L3MBTL3: variants seen among roughly 807,000 people sequenced by gnomAD.
The protein encoded by L3MBTL3 is lethal(3)malignant brain tumor-like protein 3.
L3MBTL3 carries 27 observed loss-of-function variants against 102.3 expected under a neutral mutation model. The observed-to-expected ratio is 0.26, with a 90% CI of 0.19 to 0.36. The LOEUF is 0.36. Ranked by LOEUF, L3MBTL3 falls within the 10% of genes least tolerant of loss-of-function variation. The pLI is 1.00. For missense variants in L3MBTL3, 798 were observed against 955.3 expected (o/e 0.84, Z 2.17); for synonymous variants, 340 against 320.9 (o/e 1.06, Z -0.64).
chr6:130,042,875 T>A (rs1297682321), intron 3 of L3MBTL3, 74 bp downstream of exon 3: 3 of 984,616 alleles, frequency 3.0e-6, no homozygotes, highest in Non-Finnish European at 4.9e-6. Flanking sequence ...TGGATACATA[T>A]GTGAAATAAA....
chr6:130,113,484 A>G (rs567268923), intron 19 of L3MBTL3, among the ~76,000 whole-genome samples: 1 of 152,244 alleles, frequency 6.6e-6, no homozygotes, highest in Non-Finnish European at 1.5e-5. Context: ...TCTCTATTAA[A>G]AATCACTTAA....
intron 18 of L3MBTL3, among the ~76,000 whole-genome samples, chr6:130,097,192 T>C (rs1784409614): frequency 6.6e-6 from 1 of 152,224 alleles, no homozygotes; most frequent in Non-Finnish European, 1.5e-5. Context: ...TGTTTTCCAT[T>C]TCATTAGTAG....
intron 18 of L3MBTL3, among the ~76,000 whole-genome samples, chr6:130,095,005 G>A (rs1582553096): frequency 6.6e-6 from 1 of 152,068 alleles, no homozygotes; most frequent in African/African-American, 2.4e-5. Context: ...CCAGGAGTTC[G>A]AGATCAGCCT....
At chr6:130,084,313 G>A (rs895553192) in intron 15 of L3MBTL3, among the ~76,000 whole-genome samples, 2 of 151,996 alleles carry the variant, frequency 1.3e-5, no homozygotes, top group African/African-American at 2.4e-5. Context: ...CTTGCTTTAT[G>A]ATTTAGATTT....
Position 130,094,349 on chromosome 6 carries a change from G to A in L3MBTL3, c.1718G>A (p.Arg573Lys), listed in dbSNP as rs1390340956. The change falls in exon 18 of 23, where the codon AGA becomes AAA. Residue 573 changes from arginine (R) to lysine (K), a missense_variant. By Grantham distance (26) the Arg-to-Lys change is conservative. This residue lies in a region of L3MBTL3 where 306 missense variants were observed against 314.4 expected (regional missense o/e 0.97). Transcript: ENST00000361794. ...CKGIGHFKRA[R>K]HLGPHSAANC... ...GGGATTGGCCATTTCAAGAGAGCGA[G>A]ACATCTGGGCCCTCACAGGTATGTG... is the stretch of plus-strand genomic sequence containing the variant. 1 of 1,613,612 alleles carries A rather than the reference G, an allele frequency of 6.2e-7. No homozygotes were observed. Among genetic ancestry groups the A allele is most frequent in the East Asian group, 2.2e-5 (1 of 44,860 alleles).
chr6:130,020,614 G>T (rs983461493), intron 1 of L3MBTL3: 8 of 151,998 alleles, frequency 5.3e-5, no homozygotes, highest in Admixed American at 5.2e-4. Flanking sequence ...GTAACTAGCC[G>T]CTTTCCAGGG....
intron 2 of L3MBTL3, among the ~76,000 whole-genome samples, chr6:130,039,002 G>GT (rs527808778): frequency 5.5e-4 from 84 of 151,532 alleles, no homozygotes; most frequent in Middle Eastern, 3.4e-3. Context: ...AGAAACAGAA[G>GT]TTTTTTTTTC....
intron 22 of L3MBTL3, 107 bp from the exon 23 acceptor site, chr6:130,139,503 T>A: frequency 9.8e-7 from 1 of 1,025,384 alleles, no homozygotes; most frequent in Non-Finnish European, 1.5e-6. Flanking sequence ...TCTCTGTGCT[T>A]TTTTAGCATT....
intron 9 of L3MBTL3, 135 bp downstream of exon 9, chr6:130,057,632 A>G: frequency 1.4e-6 from 1 of 727,104 alleles, no homozygotes; most frequent in Non-Finnish European, 2.3e-6. Context: ...GTGTGTTTAT[A>G]TGGAGGGCAG....
chr6:130,067,504 G>A (rs1478920941), intron 11 of L3MBTL3, among the ~76,000 whole-genome samples: 1 of 152,026 alleles, frequency 6.6e-6, no homozygotes, highest in Admixed American at 6.5e-5. Context: ...TGATATTTTT[G>A]GCCTGTCTCA....
At position 130,042,821 on chromosome 6, in the gene L3MBTL3, T is replaced by C; in HGVS notation, c.102+20T>C. ...TTAAAGGTAAACCCTCTTTATTACATACAATTATGTGTGTGTGCATCTGTG... is the reference window on the plus strand; with the variant it reads ...TTAAAGGTAAACCCTCTTTATTACACACAATTATGTGTGTGTGCATCTGTG... On this transcript the variant is annotated intron_variant, in intron 3 of 22. Coordinates refer to ENST00000361794, the MANE Select transcript of L3MBTL3 (RefSeq NM_032438.4). 3 of 1,437,566 alleles carry C rather than the reference T, an allele frequency of 2.1e-6. No homozygotes were observed. The highest frequency in any genetic ancestry group is 2.9e-6 in the Non-Finnish European group (3 of 1,018,858). 89.1% of individuals were successfully genotyped at this position (1,437,566 alleles called of 1,614,324 possible). A position where few individuals can be genotyped will look rare whatever the true frequency, so the allele number is the denominator to read the frequency against.
chr6:130,094,847 T>C (rs1784266537), intron 18 of L3MBTL3, among the ~76,000 whole-genome samples: 1 of 152,174 alleles, frequency 6.6e-6, no homozygotes, highest in African/African-American at 2.4e-5. Flanking sequence ...AAAATATTTT[T>C]CTCTTACCCC....
At chr6:130,139,581 C>T (rs761008236) in intron 22 of L3MBTL3, 29 bp from the exon 23 acceptor site, 8 of 1,602,150 alleles carry the variant, frequency 5.0e-6, no homozygotes, top group East Asian at 4.5e-5. Context: ...TGTTAATCCA[C>T]ATTCTGTTGT....
intron 9 of L3MBTL3, 37 bp downstream of exon 9, chr6:130,057,534 C>G: frequency 6.7e-7 from 1 of 1,489,666 alleles, no homozygotes; most frequent in Non-Finnish European, 9.1e-7. Context: ...TGTAAGGGCG[C>G]AGGAGCTGGG....
At chr6:130,040,234 C>G (rs1321282507) in intron 2 of L3MBTL3, among the ~76,000 whole-genome samples, 1 of 151,282 alleles carries the variant, frequency 6.6e-6, no homozygotes, top group African/African-American at 2.4e-5. Flanking sequence ...GAGGCTGAGG[C>G]AGGAGAATTG....
intron 19 of L3MBTL3, 24 bp from the exon 20 acceptor site, chr6:130,120,855 T>C (rs1246857584): frequency 3.8e-6 from 6 of 1,569,014 alleles, no homozygotes; most frequent in Non-Finnish European, 5.3e-6. Context: ...TCTTATAAAA[T>C]ATTGAAATGC....
intron 19 of L3MBTL3, among the ~76,000 whole-genome samples, chr6:130,113,066 T>C (rs1785453443): frequency 6.6e-6 from 1 of 152,196 alleles, no homozygotes; most frequent in Admixed American, 6.5e-5. Context: ...AACTTAAATC[T>C]CTGCATATCT....
intron 15 of L3MBTL3, among the ~76,000 whole-genome samples, chr6:130,085,304 A>G (rs765349220): frequency 1.3e-5 from 2 of 151,854 alleles, no homozygotes; most frequent in African/African-American, 2.4e-5. Context: ...GATTCCCCCA[A>G]CCCATTCCTG....
chr6:130,119,755 T>C (rs1208865014), intron 19 of L3MBTL3, among the ~76,000 whole-genome samples: 1 of 152,194 alleles, frequency 6.6e-6, no homozygotes. Context: ...AAATGATCTT[T>C]CTTAAAAATA....
Sources: gnomAD v4.1 joint callset for allele counts (sites outside exome capture counted in the v4.1 genomes callset) on GRCh38, gnomAD v4.1.1 for gene constraint, gnomAD v4.1.1 regional missense constraint, MANE v1.5 for transcripts, NCBI Gene and HGNC (gene_info 2026-07-23, HGNC 2026-07-21) for gene names.